Variants in WASF1 observed in about 807,000 individuals in gnomAD.
WASF1 encodes the protein actin-binding protein WASF1.
Under a neutral mutation model 50.5 loss-of-function variants are expected in WASF1, and 7 were observed. The ratio of observed to expected loss-of-function variants is 0.14; its 90% CI spans 0.08 to 0.26. The LOEUF (loss-of-function observed/expected upper bound fraction) is 0.26, where lower values mean the gene tolerates loss of function less well. WASF1 is among the 10% of genes least tolerant of loss of function. WASF1 has a pLI of 1.00. For missense variants in WASF1, 470 were observed against 694.7 expected (o/e 0.68, Z 3.64); for synonymous variants, 205 against 244.0 (o/e 0.84, Z 1.49).
chr6:110,168,942 C>T (rs1424401517), intron 2 of WASF1, among the ~76,000 whole-genome samples: 1 of 152,058 alleles, frequency 6.6e-6, no homozygotes, highest in Admixed American at 6.6e-5. Flanking sequence ...TCCCTTCCTA[C>T]TCACTAGCAT....
At chr6:110,176,808 A>G (rs574667335) in intron 2 of WASF1, among the ~76,000 whole-genome samples, 35 of 152,222 alleles carry the variant, frequency 2.3e-4, no homozygotes, top group Middle Eastern at 3.4e-3. Context: ...TTCATTTAAG[A>G]AAACATTATA....
At position 110,100,414 on chromosome 6, in the gene WASF1, T is replaced by C; in HGVS notation, c.*108A>G. The C allele has an allele frequency of 1.9e-6, 2 of 1,067,632 alleles. No individual in the cohort carries two copies. The highest frequency in any genetic ancestry group is 2.5e-6 in the Non-Finnish European group (2 of 786,778). 66.1% of individuals were successfully genotyped at this position (1,067,632 alleles called of 1,614,324 possible). A position where few individuals can be genotyped will look rare whatever the true frequency, so the allele number is the denominator to read the frequency against. ...AGTTATGGAGGAAAAGGGTCATTTA[T>C]TATAAGGAAAAGAAAGCAAAACACT... On this transcript the variant is annotated 3_prime_UTR_variant, in exon 11 of 11. Transcript: ENST00000392589.
chr6:110,143,087 AT>A lies in WASF1; in HGVS notation c.-28-15459del, dbSNP rs1202132243. Among the ~76,000 whole-genome samples the A allele has an allele frequency of 1.3e-5, 2 of 151,950 alleles. 1 individual carries two copies. The highest frequency in any genetic ancestry group is 4.1e-4 in the South Asian group (2 of 4,830). ...TGAGAGTACGTAAACTAAAGAATAT[AT>A]CCCCTAAAAAGATTTTAAAATAATT... is the stretch of plus-strand genomic sequence containing the variant. On this transcript the variant is annotated intron_variant, in intron 3 of 10. Coordinates refer to ENST00000392589, the MANE Select transcript of WASF1 (RefSeq NM_003931.3).
chr6:110,179,095 G>A lies in WASF1; in HGVS notation c.-272+344C>T, dbSNP rs142017700. On this transcript the variant is annotated intron_variant, in intron 1 of 10. Transcript: ENST00000392589. ...TACCGCCTCCCCCGGAAAGAGGCAC[G>A]GGGCGGACCGCGGGCGCGGGTGGGC... Among the ~76,000 whole-genome samples the A allele has an allele frequency of 3.5e-3, 534 of 152,350 alleles. 3 individuals carry two copies. Among genetic ancestry groups the A allele is most frequent in the African/African-American group, 0.011 (473 of 41,588 alleles).
intron 3 of WASF1, among the ~76,000 whole-genome samples, chr6:110,142,650 A>T (rs1317060427): frequency 6.6e-6 from 1 of 152,052 alleles, no homozygotes; most frequent in Non-Finnish European, 1.5e-5. Context: ...AACAAAAGAA[A>T]CCCTAAATGC....
chr6:110,106,690 A>C (rs1773339289), intron 7 of WASF1, among the ~76,000 whole-genome samples: 2 of 152,216 alleles, frequency 1.3e-5, no homozygotes, highest in Non-Finnish European at 2.9e-5. Flanking sequence ...CGTTACCAAT[A>C]TCTGTACAAG....
chr6:110,133,644 G>A (rs117210804), intron 3 of WASF1, among the ~76,000 whole-genome samples: 3 of 152,102 alleles, frequency 2.0e-5, no homozygotes, highest in African/African-American at 7.2e-5. Context: ...TAGTGATGGT[G>A]ACCATTTTCT....
intron 4 of WASF1, among the ~76,000 whole-genome samples, chr6:110,124,274 C>CTCTCTA (rs1331534646): frequency 1.4e-3 from 29 of 20,504 alleles, no homozygotes; most frequent in Non-Finnish European, 1.7e-3. Flanking sequence ...CTCTCTCTCT[C>CTCTCTA]TATATATATA....
In WASF1 at chr6:110,109,818, C is replaced by T. The variant is rs183214212; in HGVS notation, c.269-1137G>A. Among the ~76,000 whole-genome samples the T allele has an allele frequency of 6.9e-3, 1,053 of 151,986 alleles. 8 individuals are homozygous for T. Among genetic ancestry groups the T allele is most frequent in the Middle Eastern group, 0.02 (6 of 294 alleles). On this transcript the variant is annotated intron_variant, in intron 5 of 10. Transcript: ENST00000392589. ...CTCATGATCTGCCCGCCTCAGCCTC[C>T]CAAAGTGATGGGATTACAGGTGTGA...
At chr6:110,165,199 A>G (rs1001435821) in intron 2 of WASF1, among the ~76,000 whole-genome samples, 4 of 151,714 alleles carry the variant, frequency 2.6e-5, no homozygotes, top group Admixed American at 1.3e-4. Flanking sequence ...ACTTTGAGTG[A>G]TTTATCAACG....
intron 3 of WASF1, among the ~76,000 whole-genome samples, chr6:110,159,620 A>C (rs1181716660): frequency 1.3e-5 from 2 of 151,908 alleles, no homozygotes; most frequent in African/African-American, 4.8e-5. Context: ...GTTAGAAGTT[A>C]AGCATCCCTT....
chr6:110,110,422 C>T (rs963435177), intron 5 of WASF1, among the ~76,000 whole-genome samples: 2 of 152,124 alleles, frequency 1.3e-5, no homozygotes, highest in Non-Finnish European at 2.9e-5. Flanking sequence ...CACTCTCCTG[C>T]CCCACTTATT....
intron 3 of WASF1, among the ~76,000 whole-genome samples, chr6:110,147,545 C>T (rs761384982): frequency 1.3e-5 from 2 of 152,016 alleles, no homozygotes; most frequent in Non-Finnish European, 2.9e-5. Flanking sequence ...ATGAAATAAT[C>T]AATAGTATTA....
intron 5 of WASF1, among the ~76,000 whole-genome samples, chr6:110,109,968 G>T (rs1773487872): frequency 6.6e-6 from 1 of 152,106 alleles, no homozygotes; most frequent in African/African-American, 2.4e-5. Flanking sequence ...ACAATAGGCT[G>T]GCTCTGCAAT....
At chr6:110,126,442 A>C (rs927267620) in intron 4 of WASF1, among the ~76,000 whole-genome samples, 1 of 152,236 alleles carries the variant, frequency 6.6e-6, no homozygotes, top group Non-Finnish European at 1.5e-5. Flanking sequence ...ATTCAAATGT[A>C]ACTTTTTATG....
intron 2 of WASF1, among the ~76,000 whole-genome samples, chr6:110,176,697 T>C (rs1216898205): frequency 6.6e-6 from 1 of 152,094 alleles, no homozygotes; most frequent in Non-Finnish European, 1.5e-5. Flanking sequence ...CAACTTTGGA[T>C]TTATGACAAT....
chr6:110,172,479 T>C (rs1368931455), intron 2 of WASF1, among the ~76,000 whole-genome samples: 2 of 152,078 alleles, frequency 1.3e-5, no homozygotes, highest in African/African-American at 4.8e-5. Context: ...AGGGCTTTTA[T>C]TTTGGTTTAA....
At chr6:110,126,506 A>T (rs1562171409) in intron 4 of WASF1, among the ~76,000 whole-genome samples, 1 of 152,212 alleles carries the variant, frequency 6.6e-6, no homozygotes, top group Non-Finnish European at 1.5e-5. Flanking sequence ...AATTAGATTA[A>T]CAACCTCTTG....
intron 5 of WASF1, among the ~76,000 whole-genome samples, chr6:110,112,380 C>T (rs1158924055): frequency 6.6e-6 from 1 of 151,860 alleles, no homozygotes; most frequent in Admixed American, 6.6e-5. Context: ...ATTTGGGAAA[C>T]GTCGGCATTC....
Sources: allele counts gnomAD v4.1 joint callset (sites outside exome capture counted in the v4.1 genomes callset), GRCh38; gene constraint gnomAD v4.1.1; transcripts MANE v1.5; gene names NCBI Gene and HGNC (gene_info 2026-07-23, HGNC 2026-07-21).